SEMA5A: variants seen among roughly 807,000 people sequenced by gnomAD.
SEMA5A encodes semaphorin 5A.
A neutral mutation model predicts 135.5 loss-of-function variants in SEMA5A; 55 were observed. That is an observed-to-expected ratio of 0.41 (90% CI 0.33 to 0.51). The LOEUF (loss-of-function observed/expected upper bound fraction) is 0.51, where lower values mean the gene tolerates loss of function less well. SEMA5A is among the 20% of genes least tolerant of loss of function. SEMA5A has a pLI of 0.37. For missense variants in SEMA5A, 1,290 were observed against 1,419.9 expected, an observed-to-expected ratio of 0.91 and a Z score of 1.47; for synonymous variants, 580 against 546.5, an observed-to-expected ratio of 1.06 and a Z score of -0.85.
At chr5:9,062,848 G>C (rs1018159508) in intron 18 of SEMA5A, 39 bp downstream of exon 18, 1 of 1,605,140 alleles carries the variant, frequency 6.2e-7, no homozygotes. Flanking sequence ...CAAGGCCCTT[G>C]AGTTTTCAGA....
intron 13 of SEMA5A, among the ~76,000 whole-genome samples, chr5:9,123,258 C>CAAAAAAAAAAAAAAA (rs57533658): frequency 2.8e-4 from 11 of 38,944 alleles, no homozygotes; most frequent in Admixed American, 7.9e-4. Flanking sequence ...GACTCCGCCT[C>CAAAAAAAAAAAAAAA]AAAAAAAAAA....
chr5:9,385,324 G>A (rs1169545452), intron 2 of SEMA5A, among the ~76,000 whole-genome samples: 1 of 152,146 alleles, frequency 6.6e-6, no homozygotes, highest in African/African-American at 2.4e-5. Context: ...ATTGCTGTCA[G>A]ATAAAAAAGA....
intron 2 of SEMA5A, among the ~76,000 whole-genome samples, chr5:9,393,507 C>T (rs993079989): frequency 6.6e-6 from 1 of 152,186 alleles, no homozygotes; most frequent in Non-Finnish European, 1.5e-5. Context: ...TTCGCTCCAC[C>T]ATTAACCTTA....
At chr5:9,390,855 T>C (rs1190410560) in intron 2 of SEMA5A, 1 of 152,234 alleles carries the variant, frequency 6.6e-6, no homozygotes, top group South Asian at 2.1e-4. Context: ...AAGTAGGTTA[T>C]GTACACTACT....
intron 11 of SEMA5A, among the ~76,000 whole-genome samples, chr5:9,183,321 A>G (rs547275719): frequency 6.6e-6 from 1 of 152,270 alleles, no homozygotes; most frequent in African/African-American, 2.4e-5. Context: ...CCCATACCCG[A>G]CATCCCTCTG....
intron 20 of SEMA5A, 149 bp downstream of exon 20, chr5:9,051,724 C>T (rs766668311): frequency 4.7e-6 from 4 of 856,432 alleles, no homozygotes; most frequent in Non-Finnish European, 5.4e-6. Flanking sequence ...ATCTATAGAC[C>T]TACGTTTTAA....
intron 21 of SEMA5A, among the ~76,000 whole-genome samples, chr5:9,049,324 C>A (rs1736441960): frequency 6.6e-6 from 1 of 152,068 alleles, no homozygotes; most frequent in Non-Finnish European, 1.5e-5. Flanking sequence ...ATCATGCCAG[C>A]TAATTTTTAC....
intron 17 of SEMA5A, among the ~76,000 whole-genome samples, chr5:9,066,194 G>A (rs1737454075): frequency 1.3e-5 from 2 of 152,124 alleles, no homozygotes; most frequent in African/African-American, 2.4e-5. Context: ...GTGTTATCTG[G>A]GGGCCTGATT....
chr5:9,340,333 G>A (rs149918028), intron 3 of SEMA5A, among the ~76,000 whole-genome samples: 85 of 152,300 alleles, frequency 5.6e-4, no homozygotes, highest in African/African-American at 1.6e-3. Flanking sequence ...ACCACATGAG[G>A]GAAGAACAGA....
intron 2 of SEMA5A, among the ~76,000 whole-genome samples, chr5:9,386,110 T>C (rs1755876214): frequency 6.6e-6 from 1 of 152,136 alleles, no homozygotes; most frequent in Non-Finnish European, 1.5e-5. Flanking sequence ...GGAACGTGCT[T>C]TTCAAATGTT....
At chr5:9,191,607 A>T (rs898438819) in intron 10 of SEMA5A, among the ~76,000 whole-genome samples, 1 of 138,250 alleles carries the variant, frequency 7.2e-6, no homozygotes, top group Non-Finnish European at 1.5e-5. Context: ...AACGTATAAG[A>T]TGGAAATTGC....
intron 8 of SEMA5A, among the ~76,000 whole-genome samples, chr5:9,221,706 A>T (rs538827043): frequency 6.6e-6 from 1 of 152,174 alleles, no homozygotes; most frequent in African/African-American, 2.4e-5. Context: ...TGTCCAAAAA[A>T]CGAAAATTAC....
intron 10 of SEMA5A, among the ~76,000 whole-genome samples, chr5:9,191,584 G>A (rs1285620400): frequency 4.6e-5 from 7 of 152,110 alleles, no homozygotes; most frequent in Non-Finnish European, 8.8e-5. Flanking sequence ...TTTTATAACA[G>A]GTGAGAGGTG....
At chr5:9,088,659 T>TATATATATACACACACACACAC in intron 16 of SEMA5A, among the ~76,000 whole-genome samples, 1 of 112,870 alleles carries the variant, frequency 8.9e-6, no homozygotes, top group Non-Finnish European at 1.7e-5. Context: ...TATATATATA[T>TATATATATACACACACACACAC]ACACACACAC....
At chr5:9,272,559 G>A (rs532601240) in intron 5 of SEMA5A, among the ~76,000 whole-genome samples, 101 of 152,216 alleles carry the variant, frequency 6.6e-4, no homozygotes, top group Non-Finnish European at 1.2e-4. Context: ...CCGGTGTATC[G>A]TGAATGTGAG....
At chr5:9,363,739 C>T (rs921424690) in intron 3 of SEMA5A, among the ~76,000 whole-genome samples, 4 of 152,130 alleles carry the variant, frequency 2.6e-5, no homozygotes, top group African/African-American at 9.7e-5. Flanking sequence ...GGAATATTAT[C>T]CAACTATATT....
chr5:9,277,401 G>C (rs1316566616), intron 5 of SEMA5A, among the ~76,000 whole-genome samples: 1 of 152,202 alleles, frequency 6.6e-6, no homozygotes, highest in East Asian at 1.9e-4. Context: ...GTGGAGGACA[G>C]TGTGGCAATT....
At chr5:9,111,637 GCGTGTCACC>G (rs1740246428) in intron 15 of SEMA5A, among the ~76,000 whole-genome samples, 1 of 152,128 alleles carries the variant, frequency 6.6e-6, no homozygotes, top group Non-Finnish European at 1.5e-5. Flanking sequence ...GGATCTGCTG[GCGTGTCACC>G]CTCTGAAATT....
chr5:9,339,190 A>G (rs928956834), intron 3 of SEMA5A, among the ~76,000 whole-genome samples: 3 of 152,202 alleles, frequency 2.0e-5, no homozygotes, highest in African/African-American at 7.2e-5. Flanking sequence ...CAGTTAAAGA[A>G]ACAGCACTAG....
Sources: allele counts gnomAD v4.1 joint callset (sites outside exome capture counted in the v4.1 genomes callset), GRCh38; gene constraint gnomAD v4.1.1; transcripts MANE v1.5; gene names NCBI Gene and HGNC (gene_info 2026-07-23, HGNC 2026-07-21).